Variants in DNAH8 observed in about 807,000 individuals in gnomAD.
DNAH8 encodes dynein axonemal heavy chain 8.
In DNAH8, 382 loss-of-function variants were observed where a neutral mutation model predicts 562.1. That is an observed-to-expected ratio of 0.68 (90% confidence interval 0.63 to 0.74). The LOEUF is 0.74. Among genes scored for constraint, DNAH8 ranks in the 30% least tolerant of loss-of-function variants. DNAH8 has a pLI of 0.00. For synonymous variants in DNAH8, 1,881 were observed against 1,919.4 expected, an observed-to-expected ratio of 0.98 and a Z score of 0.52; for missense variants, 5,203 against 5,620.4, an observed-to-expected ratio of 0.93 and a Z score of 2.37.
chr6:38,902,327 T>C (rs1377272249), intron 62 of DNAH8, among the ~76,000 whole-genome samples: 1 of 151,998 alleles, frequency 6.6e-6, no homozygotes, highest in Non-Finnish European at 1.5e-5. Flanking sequence ...AACCACCACC[T>C]CTATCTGGTG....
intron 16 of DNAH8, 37 bp downstream of exon 16, chr6:38,781,410 G>C (rs942708544): frequency 1.9e-6 from 3 of 1,608,516 alleles, no homozygotes; most frequent in Admixed American, 1.7e-5. Flanking sequence ...GTGGATTTTG[G>C]TGGTTTTAAT....
chr6:38,889,944 A>G (rs925414155), intron 57 of DNAH8, among the ~76,000 whole-genome samples: 15 of 152,220 alleles, frequency 9.9e-5, no homozygotes, highest in African/African-American at 3.6e-4. Context: ...TGCAGTGTGT[A>G]GTCTCACTGG....
At chr6:39,025,420 G>A (rs1052743375) in intron 91 of DNAH8, among the ~76,000 whole-genome samples, 7 of 152,192 alleles carry the variant, frequency 4.6e-5, no homozygotes, top group African/African-American at 1.4e-4. Flanking sequence ...CATAGTGCAG[G>A]GCTTGGTACA....
chr6:38,952,062 A>G (rs1214156089), intron 82 of DNAH8, among the ~76,000 whole-genome samples: 1 of 152,200 alleles, frequency 6.6e-6, no homozygotes, highest in East Asian at 1.9e-4. Context: ...CAATGTGACA[A>G]CTGCAGTAAA....
intron 79 of DNAH8, among the ~76,000 whole-genome samples, chr6:38,945,089 G>GGA (rs1783758227): frequency 6.6e-6 from 1 of 152,000 alleles, no homozygotes; most frequent in African/African-American, 2.4e-5. Context: ...GCAAGCTTCT[G>GGA]GAGGAGTAAT....
intron 33 of DNAH8, among the ~76,000 whole-genome samples, chr6:38,838,967 A>C (rs929449288): frequency 2.0e-5 from 3 of 152,238 alleles, no homozygotes; most frequent in Non-Finnish European, 4.4e-5. Flanking sequence ...CACAACGTGA[A>C]AATTTCATGA....
At chr6:38,918,581 C>T (rs971853228) in intron 70 of DNAH8, among the ~76,000 whole-genome samples, 1 of 152,118 alleles carries the variant, frequency 6.6e-6, no homozygotes, top group South Asian at 2.1e-4. Context: ...TCAGACAAAA[C>T]CTAAAAGGTT....
intron 47 of DNAH8, among the ~76,000 whole-genome samples, chr6:38,867,231 ATGTG>A (rs70981595): frequency 1.2e-4 from 18 of 148,320 alleles, no homozygotes; most frequent in South Asian, 6.5e-4. Context: ...GTGTGTGTAT[ATGTG>A]TGTGTGTGTG....
chr6:38,918,249 C>T, intron 70 of DNAH8, 109 bp downstream of exon 70: 2 of 720,004 alleles, frequency 2.8e-6, no homozygotes, highest in East Asian at 2.7e-5. Flanking sequence ...AGGTAGATGT[C>T]CCTGTTACCA....
intron 28 of DNAH8, among the ~76,000 whole-genome samples, chr6:38,824,819 A>G (rs933563965): frequency 1.3e-5 from 2 of 152,102 alleles, no homozygotes; most frequent in African/African-American, 4.8e-5. Flanking sequence ...TATATCTACC[A>G]AGGAAGTACT....
chr6:38,960,431 A>AT (rs886380365), intron 82 of DNAH8, among the ~76,000 whole-genome samples: 117 of 151,424 alleles, frequency 7.7e-4, no homozygotes, highest in Non-Finnish European at 1.1e-3. Flanking sequence ...AAAAAAAAAA[A>AT]AATAATAATC....
At chr6:38,849,862 C>G (rs1238781884) in intron 37 of DNAH8, among the ~76,000 whole-genome samples, 1 of 151,800 alleles carries the variant, frequency 6.6e-6, no homozygotes, top group African/African-American at 2.4e-5. Flanking sequence ...TGTAATTATT[C>G]CAAGGATCCT....
At chr6:39,029,367 C>T (rs1049237800) in intron 92 of DNAH8, among the ~76,000 whole-genome samples, 3 of 152,204 alleles carry the variant, frequency 2.0e-5, no homozygotes, top group African/African-American at 7.2e-5. Flanking sequence ...ACTCCAGCCA[C>T]AGGGACCTTG....
intron 49 of DNAH8, among the ~76,000 whole-genome samples, chr6:38,871,138 T>G (rs1777441775): frequency 6.6e-6 from 1 of 152,236 alleles, no homozygotes; most frequent in Non-Finnish European, 1.5e-5. Flanking sequence ...ATGAGCTTGA[T>G]GCTTTGGGAA....
In DNAH8 at chr6:38,722,652, C is replaced by T. The variant is rs1582822714; in HGVS notation, c.-34-124C>T. 20 of 773,964 alleles carry T rather than the reference C, an allele frequency of 2.6e-5. No individual in the cohort carries two copies. The South Asian group carries it at 4.0e-4, about 15-fold the overall frequency. The allele number at this position is 773,964 out of a possible 1,614,324, so 47.9% of individuals were successfully genotyped here. A position where few individuals can be genotyped will look rare whatever the true frequency, so the allele number is the denominator to read the frequency against. ...CTCTCCAGCCCCATAAACTAAGCTT[C>T]CTTAGATAATATGGCAAGGGAGAAC... On this transcript the variant is annotated intron_variant, in intron 1 of 92. Transcript: ENST00000327475.
chr6:38,828,171 C>T lies in DNAH8; in HGVS notation c.4084-13C>T, dbSNP rs758585281. ...CCCTTGTGATATTTCTAAACTCCAC[C>T]TTCATCCTGCAGGAAGCCTATGCTA... On this transcript the variant is annotated splice_polypyrimidine_tract_variant and intron_variant, in intron 29 of 92. Transcript: ENST00000327475. The T allele has an allele frequency of 1.3e-6, 2 of 1,552,846 alleles. No homozygotes were observed. Among genetic ancestry groups the T allele is most frequent in the African/African-American group, 1.4e-5 (1 of 72,850 alleles).
chr6:38,737,803 T>C lies in DNAH8; in HGVS notation c.953-6T>C, dbSNP rs972068548. On this transcript the variant is annotated splice_polypyrimidine_tract_variant and splice_region_variant and intron_variant, in intron 6 of 92. Coordinates refer to ENST00000327475, the MANE Select transcript of DNAH8 (RefSeq NM_001206927.2). ...TAGTATTAAATGTCTTTTTTTTCCT[T>C]TTTAGGTGCTAGAATAAGTATTGAG... 11 of 1,427,064 alleles carry C rather than the reference T, an allele frequency of 7.7e-6. No individual in the cohort carries two copies. Among genetic ancestry groups the C allele is most frequent in the Non-Finnish European group, 1.0e-5 (11 of 1,085,694 alleles). The allele number at this position is 1,427,064 out of a possible 1,614,324, so 88.4% of individuals were successfully genotyped here.
At chr6:38,729,234 A>G (rs1016134471) in intron 3 of DNAH8, among the ~76,000 whole-genome samples, 1 of 151,890 alleles carries the variant, frequency 6.6e-6, no homozygotes, top group Non-Finnish European at 1.5e-5. Context: ...AAACAAACAA[A>G]CAAACAAACT....
intron 80 of DNAH8, among the ~76,000 whole-genome samples, chr6:38,947,747 C>T (rs1340578946): frequency 7.4e-6 from 1 of 135,380 alleles, no homozygotes; most frequent in Non-Finnish European, 1.6e-5. Flanking sequence ...CAGAAATCCT[C>T]TTCTTTTTTT....
Sources: allele counts gnomAD v4.1 joint callset (sites outside exome capture counted in the v4.1 genomes callset), GRCh38; gene constraint gnomAD v4.1.1; transcripts MANE v1.5; gene names NCBI Gene and HGNC (gene_info 2026-07-23, HGNC 2026-07-21).